Variants in SYK observed in about 807,000 individuals in gnomAD.
SYK encodes the protein spleen associated tyrosine kinase, also known as tyrosine-protein kinase SYK.
A neutral mutation model predicts 77.8 loss-of-function variants in SYK; 16 were observed. That is an observed-to-expected ratio of 0.21 (90% CI 0.14 to 0.31). The LOEUF is 0.31. SYK is among the 10% of genes least tolerant of loss of function. The pLI is 1.00. For synonymous variants in SYK, 312 were observed against 308.7 expected (o/e 1.01, Z -0.11); for missense variants, 529 against 814.4 (o/e 0.65, Z 4.26).
chr9:90,808,138 C>T (rs1824915359), intron 1 of SYK, among the ~76,000 whole-genome samples: 1 of 152,088 alleles, frequency 6.6e-6, no homozygotes, highest in Non-Finnish European at 1.5e-5. Flanking sequence ...TCTCCTTTGC[C>T]ATTTGCACTG....
intron 1 of SYK, among the ~76,000 whole-genome samples, chr9:90,805,677 T>C (rs535677400): frequency 6.6e-6 from 1 of 152,370 alleles, no homozygotes; most frequent in South Asian, 2.1e-4. Flanking sequence ...TATTTTCCCA[T>C]GGTCAACCTG....
chr9:90,886,686 G>A (rs963329594), intron 11 of SYK, among the ~76,000 whole-genome samples: 13 of 152,060 alleles, frequency 8.5e-5, no homozygotes, highest in African/African-American at 2.7e-4. Flanking sequence ...CAGCCTGGGC[G>A]ATAGAGTGAG....
At chr9:90,811,726 T>G (rs1197703212) in intron 1 of SYK, among the ~76,000 whole-genome samples, 1 of 150,228 alleles carries the variant, frequency 6.7e-6, no homozygotes, top group African/African-American at 2.5e-5. Context: ...GAAGCCAGCC[T>G]GGGCAATATG....
intron 1 of SYK, among the ~76,000 whole-genome samples, chr9:90,803,528 A>G (rs1824690735): frequency 6.6e-6 from 1 of 152,124 alleles, no homozygotes; most frequent in Non-Finnish European, 1.5e-5. Flanking sequence ...TGAAATTGGT[A>G]GAAACGTTAT....
chr9:90,819,246 T>G (rs915291668), intron 1 of SYK, among the ~76,000 whole-genome samples: 2 of 152,224 alleles, frequency 1.3e-5, no homozygotes, highest in Non-Finnish European at 2.9e-5. Context: ...TAATATATGG[T>G]TGATCCTCAG....
chr9:90,826,951 A>T (rs1825685302), intron 1 of SYK, among the ~76,000 whole-genome samples: 1 of 151,650 alleles, frequency 6.6e-6, no homozygotes, highest in African/African-American at 2.4e-5. Context: ...CGCCATTAAG[A>T]CCATCTCTGC....
rs1554706489 is a variant in SYK, at chr9:90,828,241, C to CCCCT, written c.-41-15614_-41-15613insTCCC. 2.0e-5 allele frequency among the ~76,000 whole-genome samples: 2 copies of CCCCT among 100,040 alleles called. 1 individual carries two copies. The highest frequency in any genetic ancestry group is 4.5e-5 in the Non-Finnish European group (2 of 44,444). The allele number at this position is 100,040 out of a possible 152,430, so 65.6% of individuals were successfully genotyped here. ...CTGCTGTGGCCTCACCCCCGCCCCC[C>CCCCT]CCCCCGCCCCGCCCAGGCCTTCACA... is the stretch of plus-strand genomic sequence containing the variant. On this transcript the variant is annotated intron_variant, in intron 1 of 13. Transcript: ENST00000375754.
intron 3 of SYK, among the ~76,000 whole-genome samples, chr9:90,850,487 G>A (rs1826778649): frequency 6.6e-6 from 1 of 152,114 alleles, no homozygotes; most frequent in African/African-American, 2.4e-5. Context: ...CTGCACTCCA[G>A]CCTGGGCAAC....
At position 90,891,050 on chromosome 9, in the gene SYK, C is replaced by T. The variant is rs531560037; in HGVS notation, c.1835+2423C>T. ...CCCAAAGATCGGTTGGACAGCCAGG[C>T]CATTTACATAACACGAAAAGAAACT... On this transcript the variant is annotated intron_variant, in intron 13 of 13. Coordinates refer to ENST00000375754, the MANE Select transcript of SYK (RefSeq NM_003177.7). Among the ~76,000 whole-genome samples, 13 of 152,086 alleles carry T rather than the reference C, an allele frequency of 8.5e-5. No individual in the cohort carries two copies. The East Asian group carries it at 1.9e-3, about 23-fold the overall frequency.
At chr9:90,884,160 TAC>T (rs67180121) in intron 11 of SYK, among the ~76,000 whole-genome samples, 11,538 of 74,186 alleles carry the variant, frequency 0.16, 1,997 homozygotes, top group East Asian at 0.49. Context: ...TGTGTATATA[TAC>T]ACACATACAC....
chr9:90,896,038 G>A lies in SYK; in HGVS notation c.*438G>A, dbSNP rs1041268463. ...GATGCCTTAGCATGTGACTCCTGAAGGGAAGGCAAAGGCAGAGGAATTTGG... is the reference window on the plus strand; with the variant it reads ...GATGCCTTAGCATGTGACTCCTGAAAGGAAGGCAAAGGCAGAGGAATTTGG... On this transcript the variant is annotated 3_prime_UTR_variant, in exon 14 of 14. Transcript: ENST00000375754. The A allele has an allele frequency of 4.2e-6, 1 of 238,620 alleles. No individual in the cohort carries two copies. Among genetic ancestry groups the A allele is most frequent in the Admixed American group, 5.4e-5 (1 of 18,506 alleles). The allele number at this position is 238,620 out of a possible 1,614,324, so 14.8% of individuals were successfully genotyped here.
chr9:90,847,207 T>C (rs143328188), intron 3 of SYK, among the ~76,000 whole-genome samples: 28 of 152,230 alleles, frequency 1.8e-4, no homozygotes, highest in African/African-American at 5.5e-4. Flanking sequence ...CTGTACAGAC[T>C]GACATCTCAT....
At chr9:90,853,899 G>GA (rs1465562915) in intron 3 of SYK, among the ~76,000 whole-genome samples, 1 of 151,478 alleles carries the variant, frequency 6.6e-6, no homozygotes, top group South Asian at 2.1e-4. Flanking sequence ...AAATAAAAAA[G>GA]AAAAAAAAGA....
At chr9:90,878,670 G>A (rs1245292391) in intron 10 of SYK, 94 bp from the exon 11 acceptor site, 1 of 1,035,890 alleles carries the variant, frequency 9.7e-7, no homozygotes, top group African/African-American at 1.6e-5. Context: ...GAGGGAAGGA[G>A]TAGATTCACC....
chr9:90,813,109 C>T lies in SYK; in HGVS notation c.-42+11216C>T, dbSNP rs545601760. ...GTCCACCATGCTTTATTCTGTCAGA[C>T]CATTTGCCATCTGCATGCTTCATGA... On this transcript the variant is annotated intron_variant, in intron 1 of 13. Transcript: ENST00000375754. Among the ~76,000 whole-genome samples, 4 of 152,190 alleles carry T rather than the reference C, an allele frequency of 2.6e-5. No homozygotes were observed. In the East Asian group the frequency reaches 7.7e-4, roughly 29 times the overall value.
Position 90,896,203 on chromosome 9 carries a change from GAAAA to G in SYK, c.*612_*615del. 1 of 197,362 alleles carries G rather than the reference GAAAA, an allele frequency of 5.1e-6. No homozygotes were observed. The highest frequency in any genetic ancestry group is 1.0e-5 in the Non-Finnish European group (1 of 99,608). 12.2% of individuals were successfully genotyped at this position (197,362 alleles called of 1,614,324 possible). On this transcript the variant is annotated 3_prime_UTR_variant, in exon 14 of 14. Coordinates refer to ENST00000375754, the MANE Select transcript of SYK (RefSeq NM_003177.7). ...GTAGCCAGTTAAGGAAAGAAAGAAA[GAAAA>G]AAAAAAAAGGCCTGGATACTGCTTT...
chr9:90,833,017 G>T (rs1587834178), intron 1 of SYK, among the ~76,000 whole-genome samples: 1 of 152,182 alleles, frequency 6.6e-6, no homozygotes, highest in African/African-American at 2.4e-5. Flanking sequence ...AGAGGCCTCA[G>T]TTCCTTACCA....
At chr9:90,849,137 G>A (rs1826718840) in intron 3 of SYK, among the ~76,000 whole-genome samples, 1 of 152,228 alleles carries the variant, frequency 6.6e-6, no homozygotes, top group South Asian at 2.1e-4. Context: ...CTGTCTTTAG[G>A]AAGCAAAGGG....
chr9:90,816,117 G>A (rs1394954507), intron 1 of SYK, among the ~76,000 whole-genome samples: 4 of 152,178 alleles, frequency 2.6e-5, no homozygotes, highest in African/African-American at 9.7e-5. Context: ...ACTAATGGAA[G>A]CAGGAGCTTG....
Sources: allele counts gnomAD v4.1 joint callset (sites outside exome capture counted in the v4.1 genomes callset), GRCh38; gene constraint gnomAD v4.1.1; transcripts MANE v1.5; gene names NCBI Gene and HGNC (gene_info 2026-07-23, HGNC 2026-07-21).